MMD2: variants seen among roughly 807,000 people sequenced by gnomAD.
The protein encoded by MMD2 is monocyte to macrophage differentiation associated 2, also known as monocyte to macrophage differentiation factor 2.
Under a neutral mutation model 33.5 loss-of-function variants are expected in MMD2, and 30 were observed. The observed-to-expected ratio is 0.90, with a 90% CI of 0.67 to 1.22. MMD2 has a LOEUF of 1.22. Among genes scored for constraint, MMD2 ranks in the 50% most tolerant of loss-of-function variants. The pLI is 0.00. For missense variants in MMD2, 364 were observed against 325.4 expected (o/e 1.12, Z -0.91); for synonymous variants, 129 against 123.0 (o/e 1.05, Z -0.32).
chr7:4,914,879 C>T (rs1179315296), intron 4 of MMD2, among the ~76,000 whole-genome samples: 3 of 151,820 alleles, frequency 2.0e-5, no homozygotes, highest in Non-Finnish European at 4.4e-5. Flanking sequence ...TGCAGTGAGC[C>T]GAGATCATGC....
At chr7:4,945,431 G>C (rs1409449009) in intron 1 of MMD2, among the ~76,000 whole-genome samples, 1 of 149,590 alleles carries the variant, frequency 6.7e-6, no homozygotes, top group African/African-American at 2.5e-5. Flanking sequence ...ACCATGCCCA[G>C]CTAATTTGTA....
rs1183078501 is a variant in MMD2 at position 4,906,144 on chromosome 7, C to T, written c.*1252G>A. On this transcript the variant is annotated 3_prime_UTR_variant, in exon 7 of 7. Transcript: ENST00000401401. Reference sequence around the variant, plus strand: ...GTTGGGAGTCGCAGAATGAGGACCTCCTGACTTGAGACAGATTCTTTATCC... The same window carrying T: ...GTTGGGAGTCGCAGAATGAGGACCTTCTGACTTGAGACAGATTCTTTATCC... The T allele has an allele frequency of 1.4e-5, 3 of 211,896 alleles. No homozygotes were observed. Among genetic ancestry groups the T allele is most frequent in the African/African-American group, 6.8e-5 (3 of 43,884 alleles). 13.1% of individuals were successfully genotyped at this position (211,896 alleles called of 1,614,324 possible). A position where few individuals can be genotyped will look rare whatever the true frequency, so the allele number is the denominator to read the frequency against.
intron 1 of MMD2, among the ~76,000 whole-genome samples, chr7:4,953,256 A>G (rs551250550): frequency 7.3e-5 from 11 of 151,698 alleles, no homozygotes; most frequent in Non-Finnish European, 1.5e-4. Flanking sequence ...CCAGGAGGGC[A>G]GGGAATTGTC....
the MMD2 span, among the ~76,000 whole-genome samples, chr7:4,895,151 C>G: frequency 6.6e-6 from 1 of 151,352 alleles, no homozygotes; most frequent in African/African-American, 2.4e-5. Flanking sequence ...AATCTCGGCT[C>G]ACTGCAACCT....
intron 1 of MMD2, among the ~76,000 whole-genome samples, chr7:4,933,858 C>G (rs1020729529): frequency 4.3e-4 from 65 of 150,610 alleles, no homozygotes; most frequent in African/African-American, 1.5e-3. Context: ...GTCTCAAACT[C>G]CTGGACTCAA....
At chr7:4,936,936 A>G (rs1785757630) in intron 1 of MMD2, among the ~76,000 whole-genome samples, 1 of 150,198 alleles carries the variant, frequency 6.7e-6, no homozygotes, top group Non-Finnish European at 1.5e-5. Context: ...GGGTTTCACC[A>G]TGTTGGTCAG....
chr7:4,901,740 G>A (rs946057042), downstream of MMD2, among the ~76,000 whole-genome samples: 3 of 152,206 alleles, frequency 2.0e-5, no homozygotes, highest in African/African-American at 7.2e-5. Context: ...CACATCCCTG[G>A]CTTCCCTGGC....
At chr7:4,941,758 A>G (rs1417602799) in intron 1 of MMD2, among the ~76,000 whole-genome samples, 1 of 151,722 alleles carries the variant, frequency 6.6e-6, no homozygotes, top group Non-Finnish European at 1.5e-5. Flanking sequence ...ATGTAGGTAA[A>G]TTGCATGTCA....
At chr7:4,893,463 C>G in the MMD2 span, among the ~76,000 whole-genome samples, 1 of 151,782 alleles carries the variant, frequency 6.6e-6, no homozygotes, top group African/African-American at 2.4e-5. Flanking sequence ...GCAATCTTGT[C>G]TCACTGCAAC....
At chr7:4,893,552 C>T in the MMD2 span, among the ~76,000 whole-genome samples, 7 of 151,918 alleles carry the variant, frequency 4.6e-5, no homozygotes, top group South Asian at 4.2e-4. Context: ...CCACCACACC[C>T]GGCCAATTTT....
intron 5 of MMD2, among the ~76,000 whole-genome samples, chr7:4,910,304 A>G (rs1784973905): frequency 6.6e-6 from 1 of 152,136 alleles, no homozygotes; most frequent in Non-Finnish European, 1.5e-5. Context: ...TCTTCCCACA[A>G]GGCCCAAGCA....
In MMD2 at chr7:4,909,449, A is replaced by C. The variant is rs560646264; in HGVS notation, c.537+432T>G. Reference sequence around the variant, plus strand: ...TGCCTCTACAAAAAAAAAAAAAAGAATTGTTTTTTTGAAACAGAGTTTCAC... The same window carrying C: ...TGCCTCTACAAAAAAAAAAAAAAGACTTGTTTTTTTGAAACAGAGTTTCAC... On this transcript the variant is annotated intron_variant, in intron 6 of 6. Coordinates refer to ENST00000401401, the MANE Select transcript of MMD2 (RefSeq NM_198403.4). Among the ~76,000 whole-genome samples, 621 of 146,352 alleles carry C rather than the reference A, an allele frequency of 4.2e-3. 6 individuals carry two copies. Among genetic ancestry groups the C allele is most frequent in the African/African-American group, 0.015 (595 of 39,040 alleles).
chr7:4,935,771 C>G (rs958060500), intron 1 of MMD2, among the ~76,000 whole-genome samples: 3 of 151,202 alleles, frequency 2.0e-5, no homozygotes, highest in African/African-American at 7.3e-5. Context: ...ATGTCAGTTT[C>G]TTGCTTTGGA....
At chr7:4,893,256 C>A in the MMD2 span, among the ~76,000 whole-genome samples, 11 of 151,692 alleles carry the variant, frequency 7.3e-5, no homozygotes, top group African/African-American at 2.4e-4. Flanking sequence ...AGGGAGAGCC[C>A]ACAGAGTAAA....
chr7:4,894,136 C>A, the MMD2 span, among the ~76,000 whole-genome samples: 1 of 152,062 alleles, frequency 6.6e-6, no homozygotes, highest in Non-Finnish European at 1.5e-5. The surrounding 1 kb of genome is among the most constrained non-coding windows in gnomAD (Gnocchi z 4.3). Context: ...CGCCTCTGAC[C>A]AAAGAATATG....
chr7:4,956,265 C>CT (rs1181625137), intron 1 of MMD2, among the ~76,000 whole-genome samples: 15 of 150,454 alleles, frequency 1.0e-4, no homozygotes, highest in South Asian at 8.4e-4. Flanking sequence ...TTTACAGATA[C>CT]TTTTTTTTTA....
intron 3 of MMD2, among the ~76,000 whole-genome samples, chr7:4,918,777 C>T (rs1416166971): frequency 6.6e-6 from 1 of 151,826 alleles, no homozygotes; most frequent in Non-Finnish European, 1.5e-5. Context: ...CATGAGACAC[C>T]TTGCCTGGCC....
rs1044017532 is a variant in MMD2 at position 4,920,426 on chromosome 7, G to A, written c.130-95C>T. On this transcript the variant is annotated intron_variant, in intron 2 of 6. Coordinates refer to ENST00000401401, the MANE Select transcript of MMD2 (RefSeq NM_198403.4). ...CCCGGCTGAGCTGCCCAACGTGGCA[G>A]CACTCGGCTCTTGAAATGTGGTCAG... The A allele has an allele frequency of 3.1e-6, 4 of 1,300,772 alleles. No homozygotes were observed. In the African/African-American group the frequency reaches 4.4e-5, roughly 14 times the overall value. The allele number at this position is 1,300,772 out of a possible 1,614,324, so 80.6% of individuals were successfully genotyped here.
chr7:4,952,441 C>G (rs1260796946), intron 1 of MMD2, among the ~76,000 whole-genome samples: 2 of 152,194 alleles, frequency 1.3e-5, no homozygotes, highest in African/African-American at 2.4e-5. Context: ...ACACTGAGAC[C>G]TGCTGGTGCT....
Sources: allele counts gnomAD v4.1 joint callset (sites outside exome capture counted in the v4.1 genomes callset), GRCh38; gene constraint gnomAD v4.1.1; non-coding constraint Gnocchi (gnomAD v3.1); transcripts MANE v1.5; gene names NCBI Gene and HGNC (gene_info 2026-07-23, HGNC 2026-07-21).